Variants in ANKFN1 observed in about 807,000 individuals in gnomAD.
ANKFN1 encodes the protein ankyrin repeat and fibronectin type III domain containing 1, also known as ankyrin repeat and fibronectin type-III domain-containing protein 1.
ANKFN1 carries 74 observed loss-of-function variants against 108.7 expected under a neutral mutation model. The observed-to-expected ratio is 0.68, with a 90% CI of 0.56 to 0.83. The LOEUF (loss-of-function observed/expected upper bound fraction) is 0.83. Among genes scored for constraint, ANKFN1 ranks in the 40% least tolerant of loss-of-function variants. The pLI is 0.00. For synonymous variants in ANKFN1, 547 were observed against 516.2 expected (o/e 1.06, Z -0.81); for missense variants, 1,505 against 1,382.3 (o/e 1.09, Z -1.41).
chr17:56,105,629 T>G (rs1598096421), intron 4 of ANKFN1, among the ~76,000 whole-genome samples: 2 of 151,976 alleles, frequency 1.3e-5, no homozygotes, highest in African/African-American at 4.8e-5. Flanking sequence ...TGTCTGTCAT[T>G]TTTCTCTTCC....
Position 56,378,562 on chromosome 17 carries a change from G to A in ANKFN1, c.910+3848G>A, listed in dbSNP as rs76404130. ...TAATTGAAGGACTAATCTGGTCATA[G>A]GTATGAGGTAGCTACCTTCATTACT... On this transcript the variant is annotated intron_variant, in intron 8 of 20. Transcript: ENST00000682825. Among the ~76,000 whole-genome samples, 971 of 152,242 alleles carry A rather than the reference G, an allele frequency of 6.4e-3. 6 individuals carry two copies. The highest frequency in any genetic ancestry group is 0.012 in the Non-Finnish European group (821 of 68,012).
intron 3 of ANKFN1, among the ~76,000 whole-genome samples, chr17:56,237,645 A>G (rs975965787): frequency 2.6e-5 from 4 of 151,594 alleles, no homozygotes; most frequent in African/African-American, 9.7e-5. Context: ...TGTCATTTCT[A>G]ATTGTGTTTA....
chr17:56,284,996 G>A (rs932329093), intron 3 of ANKFN1, among the ~76,000 whole-genome samples: 1 of 152,120 alleles, frequency 6.6e-6, no homozygotes, highest in African/African-American at 2.4e-5. Flanking sequence ...TAAAATATAT[G>A]GCACAAGTCA....
At chr17:56,418,719 T>G (rs1386004994) in intron 8 of ANKFN1, among the ~76,000 whole-genome samples, 4 of 151,966 alleles carry the variant, frequency 2.6e-5, no homozygotes, top group African/African-American at 7.3e-5. Context: ...ACAAAATTAT[T>G]TGGCAGAGCC....
At chr17:56,460,718 G>A (rs1334293324) in intron 14 of ANKFN1, among the ~76,000 whole-genome samples, 1 of 149,966 alleles carries the variant, frequency 6.7e-6, no homozygotes. Flanking sequence ...TCCTCCACAT[G>A]TGCTCTGGGT....
intron 3 of ANKFN1, among the ~76,000 whole-genome samples, chr17:56,263,480 A>G (rs777079092): frequency 2.6e-5 from 4 of 152,230 alleles, no homozygotes; most frequent in Non-Finnish European, 5.9e-5. Flanking sequence ...ATATAGCTGC[A>G]TAAGCAGTTC....
At chr17:56,126,299 G>GCTAA (rs10634984) in intron 4 of ANKFN1, among the ~76,000 whole-genome samples, 96,036 of 151,454 alleles carry the variant, frequency 0.63, 31,010 homozygotes, top group East Asian at 0.81. Context: ...AAAAGGGGGG[G>GCTAA]CTATTTCTTG....
At chr17:56,130,667 C>T (rs1482448716) in intron 4 of ANKFN1, among the ~76,000 whole-genome samples, 3 of 152,034 alleles carry the variant, frequency 2.0e-5, no homozygotes, top group Non-Finnish European at 4.4e-5. Flanking sequence ...AAGGATATTT[C>T]GATCTGCCAA....
intron 1 of ANKFN1, among the ~76,000 whole-genome samples, chr17:56,205,250 G>C (rs1429619465): frequency 7.2e-5 from 11 of 152,156 alleles, no homozygotes; most frequent in Admixed American, 1.3e-4. Context: ...ACCCAGTCTT[G>C]TTCCCCAAAG....
At chr17:56,141,129 G>A (rs1256372421) in intron 4 of ANKFN1, among the ~76,000 whole-genome samples, 2 of 152,144 alleles carry the variant, frequency 1.3e-5, no homozygotes, top group South Asian at 2.1e-4. Context: ...TTCTCCAGGG[G>A]CTTGGTGTGT....
At chr17:56,268,297 T>C (rs1276473907) in intron 3 of ANKFN1, among the ~76,000 whole-genome samples, 1 of 152,142 alleles carries the variant, frequency 6.6e-6, no homozygotes, top group African/African-American at 2.4e-5. Context: ...CATACGATGA[T>C]GTGGAAATTA....
At chr17:56,087,589 G>T (rs1164189940) in intron 4 of ANKFN1, among the ~76,000 whole-genome samples, 1 of 151,132 alleles carries the variant, frequency 6.6e-6, no homozygotes, top group Non-Finnish European at 1.5e-5. Context: ...TTTTTCAAAA[G>T]TTCCCATTGA....
intron 8 of ANKFN1, among the ~76,000 whole-genome samples, chr17:56,376,915 G>A (rs186874851): frequency 2.2e-3 from 339 of 152,226 alleles, no homozygotes; most frequent in African/African-American, 7.1e-3. Context: ...TACTGTATCC[G>A]CAGGAACAGC....
chr17:56,234,339 T>TG (rs760075282), intron 3 of ANKFN1, among the ~76,000 whole-genome samples: 5 of 137,314 alleles, frequency 3.6e-5, no homozygotes, highest in African/African-American at 5.6e-5. Flanking sequence ...TTATTTCCTT[T>TG]GGGGTTTTTT....
intron 8 of ANKFN1, among the ~76,000 whole-genome samples, chr17:56,388,865 T>C (rs1473967621): frequency 6.6e-6 from 1 of 152,184 alleles, no homozygotes; most frequent in East Asian, 1.9e-4. Flanking sequence ...GAACTATCAT[T>C]ACATGCCTAT....
chr17:56,152,258 ATATATGTG>A (rs1370989853), upstream of ANKFN1, among the ~76,000 whole-genome samples: 54 of 84,510 alleles, frequency 6.4e-4, no homozygotes, highest in African/African-American at 1.2e-3. Flanking sequence ...ATATATATAT[ATATATGTG>A]TGTGTGTGTG....
chr17:56,345,251 C>T (rs529873272), intron 4 of ANKFN1, among the ~76,000 whole-genome samples: 1 of 152,280 alleles, frequency 6.6e-6, no homozygotes, highest in African/African-American at 2.4e-5. Context: ...CGTAGTATTC[C>T]ATGGTGTATA....
chr17:56,127,882 A>G (rs776322838), intron 4 of ANKFN1, among the ~76,000 whole-genome samples: 2 of 152,334 alleles, frequency 1.3e-5, no homozygotes, highest in Non-Finnish European at 2.9e-5. Flanking sequence ...TCAGCCTCCA[A>G]AGATGTTTGT....
chr17:56,321,904 T>A (rs1291587898), intron 3 of ANKFN1, among the ~76,000 whole-genome samples: 1 of 152,118 alleles, frequency 6.6e-6, no homozygotes, highest in East Asian at 1.9e-4. Flanking sequence ...CCAGGTTCTT[T>A]CCAATGAGCT....
Sources: allele counts gnomAD v4.1 joint callset (sites outside exome capture counted in the v4.1 genomes callset), GRCh38; gene constraint gnomAD v4.1.1; transcripts MANE v1.5; gene names NCBI Gene and HGNC (gene_info 2026-07-23, HGNC 2026-07-21).